The following ARL15 variants were observed in gnomAD, a reference collection of about 807,000 sequenced individuals.
ARL15 encodes ADP-ribosylation factor-like protein 15.
A neutral mutation model predicts 25.2 loss-of-function variants in ARL15; 19 were observed. That is an observed-to-expected ratio of 0.75 (90% confidence interval 0.53 to 1.10). The LOEUF is 1.10. Among genes scored for constraint, ARL15 ranks in the 50% least tolerant of loss-of-function variants. The pLI is 0.00. For missense variants in ARL15, 220 were observed against 246.0 expected (o/e 0.89, Z 0.71); for synonymous variants, 94 against 86.8 (o/e 1.08, Z -0.46).
At chr5:54,185,407 A>G (rs1051098824) in intron 1 of ARL15, among the ~76,000 whole-genome samples, 7 of 152,010 alleles carry the variant, frequency 4.6e-5, no homozygotes, top group Non-Finnish European at 8.8e-5. Flanking sequence ...TATCTTTTCT[A>G]TTTCACTGTC....
intron 4 of ARL15, among the ~76,000 whole-genome samples, chr5:53,937,306 C>A (rs1356042584): frequency 6.6e-6 from 1 of 152,082 alleles, no homozygotes; most frequent in Non-Finnish European, 1.5e-5. Context: ...CACACACACA[C>A]ACACACACAC....
chr5:53,943,127 G>T (rs1746599827), intron 4 of ARL15, among the ~76,000 whole-genome samples: 1 of 152,130 alleles, frequency 6.6e-6, no homozygotes, highest in African/African-American at 2.4e-5. Context: ...GGGCGGGGGT[G>T]TTGGGGAAGA....
intron 4 of ARL15, among the ~76,000 whole-genome samples, chr5:54,059,481 C>T (rs80091116): frequency 0.019 from 2,855 of 152,296 alleles, 94 homozygotes; most frequent in African/African-American, 0.066. Context: ...TGGCATGAGC[C>T]TGTTCATCAC....
intron 1 of ARL15, among the ~76,000 whole-genome samples, chr5:54,296,229 G>A (rs1001424042): frequency 1.3e-5 from 2 of 152,166 alleles, no homozygotes; most frequent in Non-Finnish European, 2.9e-5. Context: ...AAAATGAATC[G>A]AAATGGAGCA....
intron 4 of ARL15, among the ~76,000 whole-genome samples, chr5:54,024,944 A>G (rs1263817186): frequency 6.6e-6 from 1 of 152,232 alleles, no homozygotes; most frequent in African/African-American, 2.4e-5. Flanking sequence ...GAAGTGTTCA[A>G]CATAAAGTGA....
chr5:54,103,692 T>A (rs1752508681), intron 4 of ARL15, among the ~76,000 whole-genome samples: 1 of 152,086 alleles, frequency 6.6e-6, no homozygotes, highest in Non-Finnish European at 1.5e-5. Flanking sequence ...ATTGTTTTCA[T>A]CAAAGGCACA....
intron 3 of ARL15, among the ~76,000 whole-genome samples, chr5:54,149,460 G>A (rs1754002084): frequency 6.6e-6 from 1 of 152,062 alleles, no homozygotes; most frequent in Non-Finnish European, 1.5e-5. Context: ...TTATTGAAAG[G>A]TGTCCTTTAT....
chr5:54,025,938 C>A (rs893513380), intron 4 of ARL15, among the ~76,000 whole-genome samples: 1 of 152,172 alleles, frequency 6.6e-6, no homozygotes, highest in Non-Finnish European at 1.5e-5. Flanking sequence ...GAAATACCAA[C>A]TTCCTATAAT....
At chr5:53,961,487 C>A in intron 4 of ARL15, among the ~76,000 whole-genome samples, 1 of 107,404 alleles carries the variant, frequency 9.3e-6, no homozygotes, top group African/African-American at 3.9e-5. Flanking sequence ...GACAGAGAGA[C>A]TCTGTCTCAA....
chr5:54,223,303 GAT>G lies in ARL15; in HGVS notation c.49-51377_49-51376del, dbSNP rs549062033. On this transcript the variant is annotated intron_variant, in intron 1 of 4. Transcript: ENST00000504924. ...GGCTTGGTTAAAAAAGACCACCTAGGATATGTTTGTGTTCAGATTTGTTAAAA... is the reference window on the plus strand; with the variant it reads ...GGCTTGGTTAAAAAAGACCACCTAGGATGTTTGTGTTCAGATTTGTTAAAA... Among the ~76,000 whole-genome samples the G allele has an allele frequency of 2.0e-3, 298 of 152,050 alleles. 1 individual carries two copies. The highest frequency in any genetic ancestry group is 7.1e-3 in the African/African-American group (293 of 41,486).
chr5:54,041,962 GT>G (rs1255523817), intron 4 of ARL15, among the ~76,000 whole-genome samples: 1 of 150,626 alleles, frequency 6.6e-6, no homozygotes, highest in African/African-American at 2.4e-5. Context: ...TTGTTCGCTT[GT>G]TTTCGTTTTT....
intron 3 of ARL15, among the ~76,000 whole-genome samples, chr5:54,146,229 T>C (rs199700041): frequency 1.3e-5 from 2 of 151,806 alleles, no homozygotes; most frequent in East Asian, 3.9e-4. Flanking sequence ...AAAACAATAA[T>C]TGAAGAACCC....
At chr5:53,953,748 T>C (rs1439020604) in intron 4 of ARL15, among the ~76,000 whole-genome samples, 2 of 152,204 alleles carry the variant, frequency 1.3e-5, no homozygotes, top group Admixed American at 6.5e-5. Context: ...ACATTTTCTA[T>C]ATTTAATGAG....
chr5:53,926,947 T>TTC (rs1746047983), intron 4 of ARL15, among the ~76,000 whole-genome samples: 1 of 151,612 alleles, frequency 6.6e-6, no homozygotes, highest in Non-Finnish European at 1.5e-5. Context: ...GACCTTTTTT[T>TTC]TTAAAAAAAA....
chr5:53,886,066 G>A lies in ARL15; in HGVS notation c.*495C>T, dbSNP rs1334851175. On this transcript the variant is annotated 3_prime_UTR_variant, in exon 5 of 5. Coordinates refer to ENST00000504924, the MANE Select transcript of ARL15 (RefSeq NM_019087.3). ...TTTTCTCTCATAGTCTATAAGCTCA[G>A]TATACCAAAAAAAAAAAAAAATTAG... is the stretch of plus-strand genomic sequence containing the variant. 5 of 135,392 alleles carry A rather than the reference G, an allele frequency of 3.7e-5. No homozygotes were observed. Among genetic ancestry groups the A allele is most frequent in the Non-Finnish European group, 8.1e-5 (5 of 61,724 alleles). The allele number at this position is 135,392 out of a possible 1,614,324, so 8.4% of individuals were successfully genotyped here.
At chr5:54,093,246 G>T (rs1752186372) in intron 4 of ARL15, among the ~76,000 whole-genome samples, 1 of 152,168 alleles carries the variant, frequency 6.6e-6, no homozygotes, top group Admixed American at 6.5e-5. Flanking sequence ...GTTCTAAGGT[G>T]AATTCTCCAT....
chr5:53,910,604 C>T (rs1259208636), intron 4 of ARL15, among the ~76,000 whole-genome samples: 1 of 102,454 alleles, frequency 9.8e-6, no homozygotes, highest in Non-Finnish European at 1.9e-5. Context: ...GCACATGTAC[C>T]CTAGAACTTA....
At chr5:54,221,539 C>T (rs766200377) in intron 1 of ARL15, among the ~76,000 whole-genome samples, 40 of 152,206 alleles carry the variant, frequency 2.6e-4, no homozygotes, top group Non-Finnish European at 4.7e-4. Flanking sequence ...AGAAACCACT[C>T]AAGAAGATGG....
intron 4 of ARL15, among the ~76,000 whole-genome samples, chr5:53,917,822 G>A (rs939246750): frequency 1.3e-5 from 2 of 151,592 alleles, no homozygotes; most frequent in South Asian, 4.2e-4. Flanking sequence ...GGTAAAGGGG[G>A]CCCTTTTGCT....
Sources: allele counts gnomAD v4.1 joint callset (sites outside exome capture counted in the v4.1 genomes callset), GRCh38; gene constraint gnomAD v4.1.1; transcripts MANE v1.5; gene names NCBI Gene and HGNC (gene_info 2026-07-23, HGNC 2026-07-21).